The following SYT16 variants were observed in gnomAD, a reference collection of about 807,000 sequenced individuals.
SYT16 encodes synaptotagmin 16.
Under a neutral mutation model 61.4 loss-of-function variants are expected in SYT16, and 42 were observed. The observed-to-expected ratio is 0.68, with a 90% CI of 0.53 to 0.89. SYT16 has a LOEUF of 0.89. Ranked by LOEUF, SYT16 falls within the 40% of genes least tolerant of loss-of-function variation. The probability of loss-of-function intolerance (pLI) is 0.00; values close to 1 mark genes in which losing one functional copy is unlikely to be tolerated. For synonymous variants in SYT16, 314 were observed against 302.3 expected (o/e 1.04, Z -0.40); for missense variants, 804 against 807.3 (o/e 1.00, Z 0.05).
chr14:62,080,774 G>A, intron 5 of SYT16, 60 bp from the exon 6 acceptor site: 1 of 1,521,512 alleles, frequency 6.6e-7, no homozygotes, highest in African/African-American at 1.4e-5. Flanking sequence ...GCACCAACTG[G>A]CCAAAATGTA....
chr14:61,824,191 T>C (rs1336481126), intron 1 of SYT16, among the ~76,000 whole-genome samples: 1 of 152,194 alleles, frequency 6.6e-6, no homozygotes, highest in African/African-American at 2.4e-5. Context: ...TCAGAATCCG[T>C]CACTCATTTT....
At chr14:61,834,135 C>T (rs1420770204) in intron 1 of SYT16, among the ~76,000 whole-genome samples, 1 of 151,844 alleles carries the variant, frequency 6.6e-6, no homozygotes, top group Non-Finnish European at 1.5e-5. Flanking sequence ...TCCTGATTCA[C>T]ATTTATTTTT....
rs569329183 is a variant in SYT16 at position 62,059,695 on chromosome 14, T to C, written c.524-9908T>C. Reference sequence around the variant, plus strand: ...CATATATATAATTTATATATATGTATATATATACATATAATTTTTATATAT... The same window carrying C: ...CATATATATAATTTATATATATGTACATATATACATATAATTTTTATATAT... On this transcript the variant is annotated intron_variant, in intron 3 of 7. Coordinates refer to ENST00000683842, the MANE Select transcript of SYT16 (RefSeq NM_001367656.1). Among the ~76,000 whole-genome samples, 107 of 112,444 alleles carry C rather than the reference T, an allele frequency of 9.5e-4. 4 individuals carry two copies. In the South Asian group the frequency reaches 0.026, roughly 27 times the overall value. 73.8% of individuals were successfully genotyped at this position (112,444 alleles called of 152,430 possible).
chr14:61,838,834 A>T (rs551576418), intron 1 of SYT16, among the ~76,000 whole-genome samples: 53 of 152,326 alleles, frequency 3.5e-4, no homozygotes, highest in African/African-American at 1.1e-3. Context: ...AGTACAAATT[A>T]ATATCTCGAT....
chr14:61,823,987 T>C (rs2045696251), intron 1 of SYT16, among the ~76,000 whole-genome samples: 1 of 152,266 alleles, frequency 6.6e-6, no homozygotes, highest in African/African-American at 2.4e-5. Context: ...AACTTAAGAC[T>C]ATCCCACTCT....
In SYT16 at chr14:62,100,400, A is replaced by G. The variant is rs753944787; in HGVS notation, c.1631A>G (p.Tyr544Cys). The change falls in exon 8 of 8, where the codon TAT becomes TGT. Residue 544 changes from tyrosine to cysteine, a missense_variant. Tyr to Cys is a radical substitution (Grantham distance 194). Transcript: ENST00000683842. Reference protein sequence around the residue: ...NLAVNRAPDTYGKLFLLNSVG... With the variant: ...NLAVNRAPDTCGKLFLLNSVG... The stretch of plus-strand genomic sequence containing the variant: ...CCTTTTTTTTTTGTCTTAGATACAT[A>G]TGGAAAACTCTTTCTCCTCAATTCT... 7 of 1,601,132 alleles carry G rather than the reference A, an allele frequency of 4.4e-6. No individual in the cohort carries two copies. The highest frequency in any genetic ancestry group is 1.1e-5 in the South Asian group (1 of 88,888).
intron 1 of SYT16, among the ~76,000 whole-genome samples, chr14:61,865,753 A>AT (rs888346753): frequency 2.0e-5 from 3 of 151,854 alleles, no homozygotes; most frequent in East Asian, 1.9e-4. Flanking sequence ...GGGAATCATC[A>AT]TTTTTTTTCA....
intron 3 of SYT16, among the ~76,000 whole-genome samples, chr14:62,000,722 A>G (rs1349385158): frequency 6.6e-6 from 1 of 151,836 alleles, no homozygotes; most frequent in Admixed American, 6.6e-5. Context: ...TGGTCATCCT[A>G]GGATCCCTAA....
intron 5 of SYT16, among the ~76,000 whole-genome samples, chr14:62,079,804 A>T (rs2056642572): frequency 6.6e-6 from 1 of 152,228 alleles, no homozygotes; most frequent in South Asian, 2.1e-4. Flanking sequence ...TAATAAATGC[A>T]GCCTAGCTCA....
chr14:61,994,532 A>G (rs2052684729), intron 2 of SYT16, among the ~76,000 whole-genome samples: 1 of 152,160 alleles, frequency 6.6e-6, no homozygotes, highest in Admixed American at 6.6e-5. Context: ...TGGAGTTTCA[A>G]AAAGGTGTTA....
chr14:62,096,626 A>C (rs990853963), intron 7 of SYT16, among the ~76,000 whole-genome samples: 24 of 152,232 alleles, frequency 1.6e-4, no homozygotes, highest in African/African-American at 5.8e-4. Context: ...CTAATGTGCA[A>C]AATTCTATTA....
intron 3 of SYT16, among the ~76,000 whole-genome samples, chr14:62,027,269 T>A (rs2054136663): frequency 6.6e-6 from 1 of 152,186 alleles, no homozygotes; most frequent in South Asian, 2.1e-4. Flanking sequence ...CCATGTTATG[T>A]CTCTGATAGC....
chr14:62,059,699 TATAC>T (rs931815702), intron 3 of SYT16, among the ~76,000 whole-genome samples: 10 of 121,536 alleles, frequency 8.2e-5, no homozygotes, highest in Admixed American at 6.6e-4. Context: ...TATGTATATA[TATAC>T]ATATAATTTT....
chr14:61,816,095 G>A (rs945479912), intron 1 of SYT16, among the ~76,000 whole-genome samples: 4 of 152,176 alleles, frequency 2.6e-5, no homozygotes, highest in Admixed American at 6.5e-5. Context: ...ATCTGTCCCC[G>A]TTTGGGTGCT....
At chr14:61,883,075 G>A (rs2047760651) in intron 1 of SYT16, among the ~76,000 whole-genome samples, 2 of 152,206 alleles carry the variant, frequency 1.3e-5, no homozygotes, top group South Asian at 2.1e-4. Flanking sequence ...ACAGAGCAGG[G>A]GAGCACTGGG....
Position 62,105,058 on chromosome 14 carries a change from C to T in SYT16, c.*4351C>T, listed in dbSNP as rs964606684. 3.3e-5 allele frequency: 5 copies of T among 152,160 alleles called. No homozygotes were observed. The highest frequency in any genetic ancestry group is 7.2e-5 in the African/African-American group (3 of 41,428). 9.4% of individuals were successfully genotyped at this position (152,160 alleles called of 1,614,324 possible). The stretch of plus-strand genomic sequence containing the variant: ...TAGGCTCATGAAGCCAGGCTGGATT[C>T]GTAAATAAAGGAGGCTTCATCAGGA... On this transcript the variant is annotated 3_prime_UTR_variant, in exon 8 of 8. Transcript: ENST00000683842.
chr14:62,051,918 G>A (rs1249527333), intron 3 of SYT16, among the ~76,000 whole-genome samples: 2 of 152,290 alleles, frequency 1.3e-5, no homozygotes, highest in Non-Finnish European at 2.9e-5. Flanking sequence ...TGTAGTCTCA[G>A]TTCCTTGGGA....
intron 1 of SYT16, among the ~76,000 whole-genome samples, chr14:61,958,269 C>T (rs2050964014): frequency 6.6e-6 from 1 of 151,408 alleles, no homozygotes; most frequent in Non-Finnish European, 1.5e-5. Context: ...TTCTCTAGTC[C>T]ATTTTTTTTC....
At chr14:61,838,011 T>C (rs906191945) in intron 1 of SYT16, among the ~76,000 whole-genome samples, 5 of 152,222 alleles carry the variant, frequency 3.3e-5, no homozygotes, top group African/African-American at 4.8e-5. Flanking sequence ...GCCCCTGTAA[T>C]GACATCTTGA....
Sources: allele counts gnomAD v4.1 joint callset (sites outside exome capture counted in the v4.1 genomes callset), GRCh38; gene constraint gnomAD v4.1.1; transcripts MANE v1.5; gene names NCBI Gene and HGNC (gene_info 2026-07-23, HGNC 2026-07-21).